Variants in CEP295 observed in about 807,000 individuals in gnomAD.
CEP295 encodes centrosomal protein 295.
In CEP295, 190 loss-of-function variants were observed where a neutral mutation model predicts 291.6. That is an observed-to-expected ratio of 0.65 (90% CI 0.58 to 0.73). The LOEUF (loss-of-function observed/expected upper bound fraction) is 0.73. Ranked by LOEUF, CEP295 falls within the 30% of genes least tolerant of loss-of-function variation. CEP295 has a pLI of 0.00. For missense variants in CEP295, 2,863 were observed against 2,949.4 expected (o/e 0.97, Z 0.68); for synonymous variants, 993 against 1,038.8 (o/e 0.96, Z 0.85).
intron 18 of CEP295, among the ~76,000 whole-genome samples, chr11:93,716,176 C>G (rs1953227233): frequency 6.6e-6 from 1 of 152,162 alleles, no homozygotes; most frequent in Non-Finnish European, 1.5e-5. Context: ...CTTCCAACTG[C>G]TAGAGTGGAT....
At chr11:93,717,087 G>C (rs1004852963) in intron 18 of CEP295, among the ~76,000 whole-genome samples, 2 of 152,188 alleles carry the variant, frequency 1.3e-5, no homozygotes, top group African/African-American at 4.8e-5. Flanking sequence ...GGTCTGGGCT[G>C]TGCCTGTTGC....
chr11:93,722,251 A>G (rs928993176), intron 20 of CEP295, among the ~76,000 whole-genome samples: 1 of 151,998 alleles, frequency 6.6e-6, no homozygotes, highest in Admixed American at 6.6e-5. Context: ...GCTTGAGCCC[A>G]AAAGTTTGAG....
Position 93,727,351 on chromosome 11 carries a change from T to G in CEP295, c.6875T>G (p.Met2292Arg). The change falls in exon 24 of 30, where the codon ATG becomes AGG. Residue 2292 changes from methionine (M) to arginine (R), a missense_variant. Physicochemically the swap from Met to Arg is moderately conservative, Grantham distance 91. Transcript: ENST00000325212. ...CTATCAAAAAGAGGGGTTGTTACAA[T>G]GTTACAAAGTCAAGGACTCATTGAA... ...EELSKRGVVT[M>R]LQSQGLIEDN... 6.4e-7 allele frequency: 1 copy of G among 1,551,428 alleles called. No homozygotes were observed. Among genetic ancestry groups the G allele is most frequent in the Non-Finnish European group, 8.7e-7 (1 of 1,146,900 alleles).
chr11:93,712,435 G>T (rs1367695135), intron 18 of CEP295, among the ~76,000 whole-genome samples: 1 of 152,036 alleles, frequency 6.6e-6, no homozygotes, highest in Non-Finnish European at 1.5e-5. Context: ...TGTATTTTTA[G>T]TAGAGACGGG....
Position 93,727,582 on chromosome 11 carries a change from CAG to C in CEP295, c.7109_7110del (p.Glu2370AlafsTer38). 1 of 1,550,908 alleles carries C rather than the reference CAG, an allele frequency of 6.4e-7. No homozygotes were observed. The highest frequency in any genetic ancestry group is 8.7e-7 in the Non-Finnish European group (1 of 1,146,788). On this transcript the variant is annotated frameshift_variant, in exon 24 of 30. Coordinates refer to ENST00000325212, the MANE Select transcript of CEP295 (RefSeq NM_033395.2). LOFTEE classifies it high-confidence loss of function. Reference sequence around the variant, plus strand: ...AAAAAACTATCTCAACTAGGAGAATCAGAGCTTTTTGCAAGTTCTGGATCATT... The same window carrying C: ...AAAAAACTATCTCAACTAGGAGAATCAGCTTTTTGCAAGTTCTGGATCATT...
chr11:93,700,258 A>T, intron 15 of CEP295, 72 bp downstream of exon 15: 1 of 1,272,410 alleles, frequency 7.9e-7, no homozygotes, highest in Non-Finnish European at 1.1e-6. Flanking sequence ...TACTAGGATT[A>T]CAAGTTTTCA....
chr11:93,701,980 C>T (rs1240177785), intron 15 of CEP295, among the ~76,000 whole-genome samples: 1 of 151,484 alleles, frequency 6.6e-6, no homozygotes, highest in East Asian at 2.0e-4. Context: ...GAGACGAAAT[C>T]TTGCTCTGCT....
intron 6 of CEP295, among the ~76,000 whole-genome samples, chr11:93,676,175 G>T: frequency 6.6e-6 from 1 of 151,814 alleles, no homozygotes; most frequent in Middle Eastern, 3.4e-3. Flanking sequence ...TATCTTGCAC[G>T]TTTTTATCCA....
At chr11:93,674,644 G>A (rs1419830989) in intron 5 of CEP295, among the ~76,000 whole-genome samples, 1 of 152,184 alleles carries the variant, frequency 6.6e-6, no homozygotes, top group Non-Finnish European at 1.5e-5. Flanking sequence ...CTTTTCTTGA[G>A]AAAGCCGAGG....
Position 93,729,732 on chromosome 11 carries a change from T to G in CEP295, c.7518T>G (p.His2506Gln). Reference protein sequence around the residue: ...QRQKEIRNKIHVSENSQIKTV... With the variant: ...QRQKEIRNKIQVSENSQIKTV... Reference sequence around the variant, plus strand: ...AGAAAGAAATAAGGAATAAAATTCATGTCTCTGAAAATTCTCAAATCAAAA... The same window carrying G: ...AGAAAGAAATAAGGAATAAAATTCAGGTCTCTGAAAATTCTCAAATCAAAA... The change falls in exon 27 of 30, where the codon CAT (histidine) becomes CAG (glutamine). Residue 2506 changes from histidine (H) to glutamine (Q), a missense_variant. By Grantham distance (24) the His-to-Gln change is conservative. Coordinates refer to ENST00000325212, the MANE Select transcript of CEP295 (RefSeq NM_033395.2). 2 of 1,549,844 alleles carry G rather than the reference T, an allele frequency of 1.3e-6. No homozygotes were observed. The highest frequency in any genetic ancestry group is 2.4e-5 in the South Asian group (2 of 83,866).
intron 17 of CEP295, among the ~76,000 whole-genome samples, chr11:93,705,251 T>C (rs532466527): frequency 6.6e-6 from 1 of 152,262 alleles, no homozygotes; most frequent in East Asian, 1.9e-4. Context: ...AAATTGGTTC[T>C]TGGGGAGGTG....
chr11:93,666,135 A>G (rs955347048), intron 1 of CEP295, among the ~76,000 whole-genome samples: 2 of 152,222 alleles, frequency 1.3e-5, no homozygotes, highest in Middle Eastern at 3.2e-3. Context: ...AACTTTTCTG[A>G]GTAATTCTGA....
At chr11:93,664,854 GTTAT>G (rs1168059040) in intron 1 of CEP295, among the ~76,000 whole-genome samples, 5 of 152,110 alleles carry the variant, frequency 3.3e-5, no homozygotes, top group Admixed American at 2.6e-4. Flanking sequence ...TTACCTGGTA[GTTAT>G]TTATTAAATT....
chr11:93,723,732 C>T (rs1953929584), intron 21 of CEP295: 1 of 158,448 alleles, frequency 6.3e-6, no homozygotes. Context: ...CATAGTAACA[C>T]TGAATACAGT....
intron 12 of CEP295, among the ~76,000 whole-genome samples, chr11:93,693,916 A>G (rs1951723776): frequency 6.6e-6 from 1 of 152,240 alleles, no homozygotes; most frequent in Non-Finnish European, 1.5e-5. Flanking sequence ...CTGAGGAACT[A>G]AATTTTAAGT....
At chr11:93,685,743 C>T (rs1951200134) in intron 9 of CEP295, among the ~76,000 whole-genome samples, 1 of 150,582 alleles carries the variant, frequency 6.6e-6, no homozygotes. Context: ...TGGAGTCTTG[C>T]TCTGTTGCCC....
rs1020254583 is a variant in CEP295 at position 93,698,518 on chromosome 11, T to G, written c.3606T>G (p.Thr1202=). 2 of 1,552,126 alleles carry G rather than the reference T, an allele frequency of 1.3e-6. No individual in the cohort carries two copies. The highest frequency in any genetic ancestry group is 1.7e-6 in the Non-Finnish European group (2 of 1,147,074). ...ELEKRISSEQ[T]GTSSSLSQVD... is the part of the protein sequence containing the mutation. The stretch of plus-strand genomic sequence containing the variant: ...AGAAAAGAATTTCTTCTGAACAGAC[T>G]GGCACCTCCTCATCCCTTTCCCAGG... Residue 1202 remains threonine (T), a synonymous_variant, in exon 15 of 30, where the codon ACT becomes ACG. Transcript: ENST00000325212.
In CEP295 at chr11:93,725,777, A is replaced by G. The variant is rs117170973; in HGVS notation, c.6445A>G (p.Thr2149Ala). 1.9e-3 allele frequency: 3,012 copies of G among 1,551,694 alleles called. 96 individuals are homozygous for G. The East Asian group carries it at 0.068, about 35-fold the overall frequency. ...CACAAGTCCGAATCAACAACCTGAC[A>G]CTAACTTGGCTCATGTTGGAGCTCA... Reference protein sequence around the residue: ...LNTSPNQQPDTNLAHVGAHSF... With the variant: ...LNTSPNQQPDANLAHVGAHSF... The change falls in exon 23 of 30, where the codon ACT (threonine) becomes GCT (alanine). Residue 2149 changes from threonine (T) to alanine (A), a missense_variant. Coordinates refer to ENST00000325212, the MANE Select transcript of CEP295 (RefSeq NM_033395.2).
rs1228196484 is a variant in CEP295, at chr11:93,702,651, G to C, written c.5452+14G>C. ...CCAAGCAAAGTGGTAAGATAATTGTGTTTGATTGTAATTATTTCACTGATT... is the reference window on the plus strand; with the variant it reads ...CCAAGCAAAGTGGTAAGATAATTGTCTTTGATTGTAATTATTTCACTGATT... On this transcript the variant is annotated intron_variant, in intron 16 of 29. Coordinates refer to ENST00000325212, the MANE Select transcript of CEP295 (RefSeq NM_033395.2). The C allele has an allele frequency of 6.5e-7, 1 of 1,535,748 alleles. No homozygotes were observed. Among genetic ancestry groups the C allele is most frequent in the East Asian group, 2.5e-5 (1 of 40,796 alleles).
Sources: gnomAD v4.1 joint callset for allele counts (sites outside exome capture counted in the v4.1 genomes callset) on GRCh38, gnomAD v4.1.1 for gene constraint, MANE v1.5 for transcripts, NCBI Gene and HGNC (gene_info 2026-07-23, HGNC 2026-07-21) for gene names.